Variants in TMEM184C observed in about 807,000 individuals in gnomAD.
TMEM184C encodes transmembrane protein 184C.
In TMEM184C, 25 loss-of-function variants were observed where a neutral mutation model predicts 54.5. That is an observed-to-expected ratio of 0.46 (90% CI 0.33 to 0.64). TMEM184C has a LOEUF of 0.64. TMEM184C is among the 30% of genes least tolerant of loss of function. The pLI, the probability that TMEM184C is intolerant of heterozygous loss-of-function variation, is 0.02. For synonymous variants in TMEM184C, 148 were observed against 181.5 expected (o/e 0.82, Z 1.49); for missense variants, 335 against 520.3 (o/e 0.64, Z 3.46).
At position 147,635,629 on chromosome 4, in the gene TMEM184C, A is replaced by C. The variant is rs1423929927; in HGVS notation, c.*1195A>C. 1 of 152,156 alleles carries C rather than the reference A, an allele frequency of 6.6e-6. No individual in the cohort carries two copies. Among genetic ancestry groups the C allele is most frequent in the Non-Finnish European group, 1.5e-5 (1 of 67,988 alleles). 9.4% of individuals were successfully genotyped at this position (152,156 alleles called of 1,614,324 possible). ...CACATACTCATTCATATCTATCTAT[A>C]TATATAGAGAGAGATAGTGGTTCAC... is the stretch of plus-strand genomic sequence containing the variant. On this transcript the variant is annotated 3_prime_UTR_variant, in exon 10 of 10. Transcript: ENST00000296582.
Position 147,635,335 on chromosome 4 carries a change from C to CTT in TMEM184C, c.*904_*905dup, listed in dbSNP as rs931405573. 2 of 152,060 alleles carry CTT rather than the reference C, an allele frequency of 1.3e-5. No homozygotes were observed. Among genetic ancestry groups the CTT allele is most frequent in the African/African-American group, 4.8e-5 (2 of 41,398 alleles). 9.4% of individuals were successfully genotyped at this position (152,060 alleles called of 1,614,324 possible). A position where few individuals can be genotyped will look rare whatever the true frequency, so the allele number is the denominator to read the frequency against. ...AAAGAAGTCAAAAAAAAAAGTTCTACTTTTCATCAGTGCTATTAAAGGTGG... is the reference window on the plus strand; with the variant it reads ...AAAGAAGTCAAAAAAAAAAGTTCTACTTTTTTCATCAGTGCTATTAAAGGTGG... On this transcript the variant is annotated 3_prime_UTR_variant, in exon 10 of 10. Coordinates refer to ENST00000296582, the MANE Select transcript of TMEM184C (RefSeq NM_018241.3).
chr4:147,629,431 T>C (rs1237113777), intron 5 of TMEM184C, among the ~76,000 whole-genome samples, 168 bp from the exon 6 acceptor site: 1 of 152,076 alleles, frequency 6.6e-6, no homozygotes, highest in Non-Finnish European at 1.5e-5. Flanking sequence ...CAAGTGATTG[T>C]CAATGGATCT....
chr4:147,626,076 G>T (rs940223691), intron 4 of TMEM184C, among the ~76,000 whole-genome samples: 1 of 152,148 alleles, frequency 6.6e-6, no homozygotes, highest in Non-Finnish European at 1.5e-5. Flanking sequence ...ATTGATCTGG[G>T]TGGTGCCAGC....
intron 6 of TMEM184C, among the ~76,000 whole-genome samples, chr4:147,630,873 A>G (rs1161103826): frequency 4.6e-5 from 7 of 152,118 alleles, no homozygotes; most frequent in African/African-American, 1.7e-4. Context: ...CTAAAAAGTT[A>G]GTAAGTCTTG....
At position 147,636,653 on chromosome 4, in the gene TMEM184C, AAAAG is replaced by A. The variant is rs1301006480; in HGVS notation, c.*2223_*2226del. ...ATCAAACCAAAAAGCTTCTGACAGT[AAAAG>A]AAACAGTCAACAAAATGAAACAGTA... On this transcript the variant is annotated 3_prime_UTR_variant, in exon 10 of 10. Transcript: ENST00000296582. 1.3e-5 allele frequency: 2 copies of A among 152,298 alleles called. No individual in the cohort carries two copies. The highest frequency in any genetic ancestry group is 3.8e-4 in the East Asian group (2 of 5,208). The allele number at this position is 152,298 out of a possible 1,614,324, so 9.4% of individuals were successfully genotyped here.
rs749838769 is a variant in TMEM184C, at chr4:147,624,895, T to C, written c.383T>C (p.Phe128Ser). The change falls in exon 4 of 10, where the codon TTC becomes TCC. Residue 128 changes from phenylalanine to serine, a missense_variant. Phe to Ser is a radical substitution (Grantham distance 155, BLOSUM62 -2). Coordinates refer to ENST00000296582, the MANE Select transcript of TMEM184C (RefSeq NM_018241.3). Reference sequence around the variant, plus strand: ...TATGTAATTTACAACTTTATGGGATTCCTTACCAATTATCTAACTAACCGG... The same window carrying C: ...TATGTAATTTACAACTTTATGGGATCCCTTACCAATTATCTAACTAACCGG... ...EAYVIYNFMG[F>S]LTNYLTNRYP... is the part of the protein sequence containing the mutation. 1 of 1,613,928 alleles carries C rather than the reference T, an allele frequency of 6.2e-7. No homozygotes were observed. The highest frequency in any genetic ancestry group is 1.1e-5 in the South Asian group (1 of 91,082).
chr4:147,631,506 G>C lies in TMEM184C; in HGVS notation c.779+1G>C. On this transcript the variant is annotated splice_donor_variant, in intron 7 of 9. Coordinates refer to ENST00000296582, the MANE Select transcript of TMEM184C (RefSeq NM_018241.3). LOFTEE classifies it high-confidence loss of function. ...AGCTGGTGGTTTTTGTTTCTTTTTG[G>C]TAAGTGTTACTTTTTTTTAAATGTT... The C allele has an allele frequency of 6.2e-7, 1 of 1,601,174 alleles. No individual in the cohort carries two copies. The highest frequency in any genetic ancestry group is 8.5e-7 in the Non-Finnish European group (1 of 1,175,710).
In TMEM184C at chr4:147,623,933, A is replaced by G. The variant is rs770582634; in HGVS notation, c.223A>G (p.Thr75Ala). 6.2e-7 allele frequency: 1 copy of G among 1,614,052 alleles called. No individual in the cohort carries two copies. The highest frequency in any genetic ancestry group is 8.5e-7 in the Non-Finnish European group (1 of 1,179,936). ...GATATTGCAACACTTAGTGCATTAT[A>G]CACAACCTGAACTACAAAAACCAAT... Reference protein sequence around the residue: ...WVILQHLVHYTQPELQKPIIR... With the variant: ...WVILQHLVHYAQPELQKPIIR... Residue 75 changes from threonine (T) to alanine (A), a missense_variant, in exon 2 of 10, where the codon ACA becomes GCA. By Grantham distance (58) the Thr-to-Ala change is moderately conservative. Coordinates refer to ENST00000296582, the MANE Select transcript of TMEM184C (RefSeq NM_018241.3).
At chr4:147,622,233 G>A (rs1381999474) in intron 1 of TMEM184C, among the ~76,000 whole-genome samples, 2 of 151,860 alleles carry the variant, frequency 1.3e-5, no homozygotes, top group South Asian at 2.1e-4. Context: ...ATGAGCCACC[G>A]CGCCTGGCCG....
intron 1 of TMEM184C, among the ~76,000 whole-genome samples, chr4:147,619,198 TTTTA>T (rs201053247): frequency 0.021 from 3,178 of 148,780 alleles, 61 homozygotes; most frequent in Non-Finnish European, 0.032. Context: ...TGTTGTTTAT[TTTTA>T]TTTATTTATT....
In TMEM184C at chr4:147,617,920, T is replaced by C. The variant is rs1259403222; in HGVS notation, c.-37T>C. ...TCCCCATTACAATCTTTTCGAGATC[T>C]TTTCCCTTGCTAACCGGATCTGATT... On this transcript the variant is annotated 5_prime_UTR_variant, in exon 1 of 10. Coordinates refer to ENST00000296582, the MANE Select transcript of TMEM184C (RefSeq NM_018241.3). 5.0e-6 allele frequency: 8 copies of C among 1,611,644 alleles called. No homozygotes were observed. The highest frequency in any genetic ancestry group is 6.8e-6 in the Non-Finnish European group (8 of 1,178,558).
Position 147,623,967 on chromosome 4 carries a change from A to G in TMEM184C, c.254+3A>G. The G allele has an allele frequency of 6.2e-7, 1 of 1,613,804 alleles. No individual in the cohort carries two copies. The highest frequency in any genetic ancestry group is 8.5e-7 in the Non-Finnish European group (1 of 1,179,850). On this transcript the variant is annotated splice_donor_region_variant and intron_variant, in intron 2 of 9. Transcript: ENST00000296582. ...GAACTACAAAAACCAATAATAAGGTATGTCTTAATAATTTTGATTCCACTA... is the reference window on the plus strand; with the variant it reads ...GAACTACAAAAACCAATAATAAGGTGTGTCTTAATAATTTTGATTCCACTA...
At chr4:147,633,387 G>A (rs1051321622) in intron 8 of TMEM184C, among the ~76,000 whole-genome samples, 4 of 150,570 alleles carry the variant, frequency 2.7e-5, no homozygotes, top group Non-Finnish European at 4.4e-5. Flanking sequence ...ACTGGACCAG[G>A]CATTCGAGAT....
chr4:147,623,092 C>T (rs1347499958), intron 1 of TMEM184C, among the ~76,000 whole-genome samples: 2 of 152,108 alleles, frequency 1.3e-5, no homozygotes, highest in Non-Finnish European at 2.9e-5. Context: ...GTTCTCCATA[C>T]TTTTGTTTTC....
At chr4:147,628,539 G>A (rs1732854807) in intron 5 of TMEM184C, 104 bp downstream of exon 5, 2 of 888,016 alleles carry the variant, frequency 2.3e-6, no homozygotes, top group South Asian at 1.6e-5. Flanking sequence ...TTATAATGCA[G>A]GTCTAGTCTG....
Position 147,635,117 on chromosome 4 carries a change from C to T in TMEM184C, c.*683C>T, listed in dbSNP as rs971027507. Reference sequence around the variant, plus strand: ...TATCAGAAAGCATAATGCAGAAATACGAATTAGTGGAACTTAATCATGTGC... The same window carrying T: ...TATCAGAAAGCATAATGCAGAAATATGAATTAGTGGAACTTAATCATGTGC... On this transcript the variant is annotated 3_prime_UTR_variant, in exon 10 of 10. Coordinates refer to ENST00000296582, the MANE Select transcript of TMEM184C (RefSeq NM_018241.3). The T allele has an allele frequency of 6.6e-5, 10 of 152,128 alleles. No individual in the cohort carries two copies. Among genetic ancestry groups the T allele is most frequent in the African/African-American group, 2.2e-4 (9 of 41,418 alleles). The allele number at this position is 152,128 out of a possible 1,614,324, so 9.4% of individuals were successfully genotyped here.
chr4:147,625,843 TCAGA>T (rs994487610), intron 4 of TMEM184C, among the ~76,000 whole-genome samples: 1 of 152,068 alleles, frequency 6.6e-6, no homozygotes, highest in African/African-American at 2.4e-5. Context: ...AAAGAGTAAT[TCAGA>T]CAGAGCCAGC....
chr4:147,632,808 G>C, intron 7 of TMEM184C, 95 bp from the exon 8 acceptor site: 1 of 996,588 alleles, frequency 1.0e-6, no homozygotes, highest in Non-Finnish European at 1.5e-6. Context: ...TGGTACACAG[G>C]TTGCACTGGA....
chr4:147,618,726 A>G (rs1390926440), intron 1 of TMEM184C, among the ~76,000 whole-genome samples: 1 of 152,262 alleles, frequency 6.6e-6, no homozygotes, highest in East Asian at 1.9e-4. Flanking sequence ...TACAAGAACT[A>G]TAATAAGACC....
Sources: gnomAD v4.1 joint callset for allele counts (sites outside exome capture counted in the v4.1 genomes callset) on GRCh38, gnomAD v4.1.1 for gene constraint, MANE v1.5 for transcripts, NCBI Gene and HGNC (gene_info 2026-07-23, HGNC 2026-07-21) for gene names.